Variants in SF3B3 observed in about 807,000 individuals in gnomAD.
SF3B3 encodes the protein splicing factor 3b subunit 3, also known as SAP 130.
A neutral mutation model predicts 139.2 loss-of-function variants in SF3B3; 33 were observed. The observed-to-expected ratio is 0.24, with a 90% CI of 0.18 to 0.32. The LOEUF (loss-of-function observed/expected upper bound fraction) is 0.32, where lower values mean the gene tolerates loss of function less well. Ranked by LOEUF, SF3B3 falls within the 10% of genes least tolerant of loss-of-function variation. The pLI is 1.00. For synonymous variants in SF3B3, 596 were observed against 563.6 expected, an observed-to-expected ratio of 1.06 and a Z score of -0.81; for missense variants, 818 against 1,509.4, an observed-to-expected ratio of 0.54 and a Z score of 7.59.
intron 15 of SF3B3, among the ~76,000 whole-genome samples, chr16:70,559,141 C>A (rs371165996): frequency 6.6e-6 from 1 of 152,184 alleles, no homozygotes; most frequent in South Asian, 2.1e-4. Context: ...CCTTTACTTA[C>A]AGCTATTACA....
At position 70,575,828 on chromosome 16, in the gene SF3B3, T is replaced by G. The variant is rs2050574711; in HGVS notation, c.*4015T>G. On this transcript the variant is annotated 3_prime_UTR_variant, in exon 26 of 26. Transcript: ENST00000302516. ...GAGGTGGGGAGTGGGCAGCAGGGGT[T>G]TTAGGTCAGGAAATGGTAGGAAACC... 6.6e-6 allele frequency: 1 copy of G among 152,168 alleles called. No homozygotes were observed. Among genetic ancestry groups the G allele is most frequent in the African/African-American group, 2.4e-5 (1 of 41,418 alleles). The allele number at this position is 152,168 out of a possible 1,614,324, so 9.4% of individuals were successfully genotyped here. A position where few individuals can be genotyped will look rare whatever the true frequency, so the allele number is the denominator to read the frequency against.
chr16:70,544,337 T>A, intron 9 of SF3B3, 101 bp from the exon 10 acceptor site: 1 of 707,298 alleles, frequency 1.4e-6, no homozygotes, highest in Non-Finnish European at 2.5e-6. Flanking sequence ...AGCAGATAAT[T>A]GTATTGGAAA....
intron 9 of SF3B3, among the ~76,000 whole-genome samples, chr16:70,544,082 T>TAA (rs2050246267): frequency 1.3e-5 from 2 of 152,230 alleles, no homozygotes; most frequent in African/African-American, 4.8e-5. Flanking sequence ...AAATATTTTT[T>TAA]AAAGTTGTGG....
At position 70,576,358 on chromosome 16, in the gene SF3B3, C is replaced by T. The variant is rs977861104; in HGVS notation, c.*4545C>T. 1 of 151,054 alleles carries T rather than the reference C, an allele frequency of 6.6e-6. No individual in the cohort carries two copies. The highest frequency in any genetic ancestry group is 1.5e-5 in the Non-Finnish European group (1 of 67,758). 9.4% of individuals were successfully genotyped at this position (151,054 alleles called of 1,614,324 possible). A position where few individuals can be genotyped will look rare whatever the true frequency, so the allele number is the denominator to read the frequency against. The stretch of plus-strand genomic sequence containing the variant: ...CTGGCGGTGCCCAGAGGCAAGCCCC[C>T]TTCAGTTTCCCACCTCTCACTCTGC... On this transcript the variant is annotated 3_prime_UTR_variant, in exon 26 of 26. Coordinates refer to ENST00000302516, the MANE Select transcript of SF3B3 (RefSeq NM_012426.5).
chr16:70,562,597 A>T (rs2050439318), intron 17 of SF3B3, among the ~76,000 whole-genome samples: 1 of 152,126 alleles, frequency 6.6e-6, no homozygotes, highest in South Asian at 2.1e-4. Context: ...CTTCACCCAC[A>T]TACATACCTG....
chr16:70,565,348 G>C lies in SF3B3; in HGVS notation c.2670-20G>C. ...GAGTTTTGACTAAGGCCTTACTCTT[G>C]CTTCTTATTCTGTGTGTAGTGTGGC... On this transcript the variant is annotated intron_variant, in intron 19 of 25. Transcript: ENST00000302516. 1.2e-6 allele frequency: 2 copies of C among 1,614,010 alleles called. No individual in the cohort carries two copies. Among genetic ancestry groups the C allele is most frequent in the Non-Finnish European group, 8.5e-7 (1 of 1,179,892 alleles).
intron 15 of SF3B3, among the ~76,000 whole-genome samples, chr16:70,559,781 T>A (rs556590263): frequency 6.6e-6 from 1 of 151,796 alleles, no homozygotes; most frequent in Non-Finnish European, 1.5e-5. Flanking sequence ...TTTTTTTTTT[T>A]AAACAGAGAC....
intron 8 of SF3B3, among the ~76,000 whole-genome samples, chr16:70,539,751 C>G (rs1449673901): frequency 6.6e-6 from 1 of 151,304 alleles, no homozygotes; most frequent in Non-Finnish European, 1.5e-5. Flanking sequence ...CTCTTCTGAG[C>G]TTTTTGCTGA....
rs1376776982 is a variant in SF3B3 at position 70,527,749 on chromosome 16, G to A, written c.70+1023G>A. On this transcript the variant is annotated intron_variant, in intron 2 of 25. Coordinates refer to ENST00000302516, the MANE Select transcript of SF3B3 (RefSeq NM_012426.5). ...CACGTTTTTGTTTTTTGTTTGTTTT[G>A]TTTTTGTTTTTTGTTTGTTTTGTTT... 3.3e-5 allele frequency among the ~76,000 whole-genome samples: 5 copies of A among 151,858 alleles called. No individual in the cohort carries two copies. The South Asian group carries it at 1.0e-3, about 32-fold the overall frequency.
intron 5 of SF3B3, among the ~76,000 whole-genome samples, chr16:70,534,115 G>A (rs934582452): frequency 7.2e-5 from 11 of 152,302 alleles, no homozygotes; most frequent in African/African-American, 2.6e-4. Flanking sequence ...GAAAGGAAAC[G>A]AATGTGTTAC....
chr16:70,560,638 G>T, intron 16 of SF3B3, 47 bp downstream of exon 16: 11 of 1,599,404 alleles, frequency 6.9e-6, no homozygotes, highest in Non-Finnish European at 9.4e-6. Context: ...GGATTTTAGT[G>T]GCACCATCTG....
intron 3 of SF3B3, 87 bp downstream of exon 3, chr16:70,529,286 C>G (rs1307371670): frequency 8.3e-6 from 9 of 1,083,102 alleles, no homozygotes; most frequent in Non-Finnish European, 1.3e-6. Flanking sequence ...CAATTAATTA[C>G]TTATGTGGGT....
chr16:70,567,535 AG>A lies in SF3B3; in HGVS notation c.2952+1del. ...KKKLLRKCEN[K>X]HIANYISGIQ... Reference sequence around the variant, plus strand: ...AAGTTACTCCGAAAATGTGAGAATAAGGTAAGTGTGCTGGCATTGGTGCTGA... The same window carrying A: ...AAGTTACTCCGAAAATGTGAGAATAAGTAAGTGTGCTGGCATTGGTGCTGA... On this transcript the variant is annotated frameshift_variant and splice_region_variant, in exon 21 of 26. Transcript: ENST00000302516. LOFTEE classifies it high-confidence loss of function. 6.2e-7 allele frequency: 1 copy of A among 1,613,220 alleles called. No individual in the cohort carries two copies. The highest frequency in any genetic ancestry group is 8.5e-7 in the Non-Finnish European group (1 of 1,179,568).
At chr16:70,547,765 A>G (rs2050282791) in intron 10 of SF3B3, among the ~76,000 whole-genome samples, 1 of 152,134 alleles carries the variant, frequency 6.6e-6, no homozygotes, top group Non-Finnish European at 1.5e-5. Flanking sequence ...GCTAATTTTT[A>G]TATTTTTGCA....
intron 10 of SF3B3, among the ~76,000 whole-genome samples, chr16:70,547,781 G>T (rs1329412306): frequency 6.6e-6 from 1 of 152,144 alleles, no homozygotes; most frequent in Admixed American, 6.6e-5. Context: ...TTGCAGAGAC[G>T]GGTTTCACCG....
chr16:70,535,484 C>G, intron 6 of SF3B3, 64 bp downstream of exon 6: 1 of 855,946 alleles, frequency 1.2e-6, no homozygotes, highest in Non-Finnish European at 1.8e-6. Context: ...AGTGTAGTCT[C>G]TTAGTTTGTT....
chr16:70,535,211 AC>A (rs1194669733), intron 5 of SF3B3, 96 bp from the exon 6 acceptor site: 3 of 592,704 alleles, frequency 5.1e-6, no homozygotes, highest in East Asian at 5.8e-5. Context: ...CAGGCACATT[AC>A]CATCATCAAG....
intron 11 of SF3B3, among the ~76,000 whole-genome samples, chr16:70,552,424 A>G (rs1567418761): frequency 6.6e-6 from 1 of 152,210 alleles, no homozygotes; most frequent in East Asian, 1.9e-4. Flanking sequence ...TTATGTAGAG[A>G]TGGATTTTGG....
Position 70,523,858 on chromosome 16 carries a change from G to C in SF3B3, c.-141G>C. The C allele has an allele frequency of 2.0e-6, 1 of 508,212 alleles. No individual in the cohort carries two copies. Among genetic ancestry groups the C allele is most frequent in the Non-Finnish European group, 3.5e-6 (1 of 289,700 alleles). 31.5% of individuals were successfully genotyped at this position (508,212 alleles called of 1,614,324 possible). A position where few individuals can be genotyped will look rare whatever the true frequency, so the allele number is the denominator to read the frequency against. On this transcript the variant is annotated 5_prime_UTR_variant, in exon 1 of 26. Transcript: ENST00000302516. ...TAATGGCGGACGCCAGTATGTTGGA[G>C]TTGGTGGTGGCTTAAGTTTTGAAGG...
Sources: gnomAD v4.1 joint callset for allele counts (sites outside exome capture counted in the v4.1 genomes callset) on GRCh38, gnomAD v4.1.1 for gene constraint, MANE v1.5 for transcripts, NCBI Gene and HGNC (gene_info 2026-07-23, HGNC 2026-07-21) for gene names.